THSD7B: variants seen among roughly 807,000 people sequenced by gnomAD.
The protein encoded by THSD7B is thrombospondin type-1 domain-containing protein 7B.
THSD7B carries 138 observed loss-of-function variants against 213.6 expected under a neutral mutation model. The observed-to-expected ratio is 0.65, with a 90% CI of 0.56 to 0.74. The LOEUF (loss-of-function observed/expected upper bound fraction) is 0.74, where lower values mean the gene tolerates loss of function less well. THSD7B is among the 30% of genes least tolerant of loss of function. The pLI, the probability that THSD7B is intolerant of heterozygous loss-of-function variation, is 0.00. For synonymous variants in THSD7B, 742 were observed against 687.0 expected (o/e 1.08, Z -1.25); for missense variants, 1,931 against 1,991.5 (o/e 0.97, Z 0.58).
Position 137,450,913 on chromosome 2 carries a change from G to A in THSD7B, c.3028G>A (p.Gly1010Arg), listed in dbSNP as rs1687637217. The change falls in exon 15 of 28, where the codon GGG (glycine) becomes AGG (arginine). Residue 1010 changes from glycine (G) to arginine (R), a missense_variant. Physicochemically the swap from Gly to Arg is moderately radical, Grantham distance 125. Coordinates refer to ENST00000409968, the MANE Select transcript of THSD7B (RefSeq NM_001316349.2). ...CAAGTTAAGCGATTGGTCTAGTTGG[G>A]GGTCTTGCAGTTCATCTTGTGGAAT... Reference protein sequence around the residue: ...DCKLSDWSSWGSCSSSCGIGV... With the variant: ...DCKLSDWSSWRSCSSSCGIGV... The A allele has an allele frequency of 1.2e-6, 2 of 1,613,454 alleles. No individual in the cohort carries two copies. The highest frequency in any genetic ancestry group is 1.7e-6 in the Non-Finnish European group (2 of 1,179,608).
intron 7 of THSD7B, among the ~76,000 whole-genome samples, chr2:137,199,670 C>G (rs1680837094): frequency 1.3e-5 from 2 of 152,130 alleles, no homozygotes; most frequent in African/African-American, 4.8e-5. Context: ...CACTAAAACA[C>G]TCTTGATAAA....
chr2:137,311,419 G>T (rs1573952683), intron 12 of THSD7B, among the ~76,000 whole-genome samples: 1 of 152,074 alleles, frequency 6.6e-6, no homozygotes, highest in Non-Finnish European at 1.5e-5. Context: ...AGACAATGGG[G>T]TTTTCTAGTT....
intron 2 of THSD7B, among the ~76,000 whole-genome samples, chr2:136,999,828 G>A (rs1037374841): frequency 5.9e-5 from 9 of 152,110 alleles, no homozygotes; most frequent in African/African-American, 1.9e-4. Flanking sequence ...TATTTTTCAA[G>A]TTTTGCTTCA....
chr2:137,272,822 A>G (rs12613368), intron 11 of THSD7B, among the ~76,000 whole-genome samples, 160 bp downstream of exon 11: 4,070 of 152,118 alleles, frequency 0.027, 105 homozygotes, highest in Middle Eastern at 0.095. Context: ...TATCTGGAAC[A>G]TATTTGGGAG....
intron 1 of THSD7B, among the ~76,000 whole-genome samples, chr2:136,795,135 G>A (rs1227862769): frequency 6.6e-6 from 1 of 151,982 alleles, no homozygotes; most frequent in Admixed American, 6.6e-5. Context: ...CTTAACAACA[G>A]CATAAATGAA....
At chr2:137,206,046 C>CTTTTT (rs35864577) in intron 7 of THSD7B, among the ~76,000 whole-genome samples, 1 of 148,082 alleles carries the variant, frequency 6.8e-6, no homozygotes, top group Non-Finnish European at 1.5e-5. Flanking sequence ...AGTGATTATC[C>CTTTTT]TTTTTTTTTT....
intron 2 of THSD7B, among the ~76,000 whole-genome samples, chr2:136,994,029 A>G (rs1685835193): frequency 6.6e-6 from 1 of 152,194 alleles, no homozygotes; most frequent in South Asian, 2.1e-4. Flanking sequence ...ACTCTTGGAT[A>G]TACTTTTGCT....
chr2:137,238,211 A>G (rs1162621648), intron 9 of THSD7B, among the ~76,000 whole-genome samples: 1 of 152,142 alleles, frequency 6.6e-6, no homozygotes, highest in East Asian at 1.9e-4. Flanking sequence ...GAAAGCTTGA[A>G]GTGTTGCGCC....
intron 1 of THSD7B, among the ~76,000 whole-genome samples, chr2:136,834,616 T>C (rs1283363159): frequency 1.3e-5 from 2 of 152,122 alleles, no homozygotes; most frequent in Non-Finnish European, 2.9e-5. Flanking sequence ...GGGTATAGTG[T>C]TAGTATCTGT....
intron 3 of THSD7B, among the ~76,000 whole-genome samples, chr2:137,079,738 C>A (rs1267553651): frequency 1.3e-5 from 2 of 152,084 alleles, no homozygotes; most frequent in Non-Finnish European, 2.9e-5. Context: ...TTATCTTTGG[C>A]CTCTTCATAG....
intron 12 of THSD7B, among the ~76,000 whole-genome samples, chr2:137,316,416 A>C (rs987512100): frequency 6.6e-6 from 1 of 152,212 alleles, no homozygotes; most frequent in African/African-American, 2.4e-5. Context: ...CATATTTCCC[A>C]AAGATTTTGG....
At chr2:136,785,787 T>C (rs1390001445) in intron 1 of THSD7B, among the ~76,000 whole-genome samples, 2 of 152,226 alleles carry the variant, frequency 1.3e-5, no homozygotes, top group Non-Finnish European at 2.9e-5. Flanking sequence ...TGATACCCAA[T>C]ACATGGTCTT....
intron 1 of THSD7B, among the ~76,000 whole-genome samples, chr2:136,846,963 A>C (rs986530457): frequency 1.3e-5 from 2 of 152,172 alleles, no homozygotes; most frequent in African/African-American, 4.8e-5. Context: ...GTTTATGTAA[A>C]GCTTAGTTCT....
rs376468209 is a variant in THSD7B, at chr2:137,466,893, T to C, written c.3138+15870T>C. Among the ~76,000 whole-genome samples, 3 of 152,120 alleles carry C rather than the reference T, an allele frequency of 2.0e-5. No individual in the cohort carries two copies. The East Asian group carries it at 5.8e-4, about 29-fold the overall frequency. On this transcript the variant is annotated intron_variant, in intron 15 of 27. Transcript: ENST00000409968. ...TCTGTCTGTTTTGTCATCTTCAGTG[T>C]TGGCTTCATCCTCTGGTTGTTAGCA...
rs182521500 is a variant in THSD7B, at chr2:137,003,118, G to T, written c.140-53302G>T. Among the ~76,000 whole-genome samples, 225 of 152,262 alleles carry T rather than the reference G, an allele frequency of 1.5e-3. 1 individual carries two copies. The highest frequency in any genetic ancestry group is 5.4e-3 in the Admixed American group (83 of 15,296). ...TTGGTTTGTAAGTCAGGTAATAAGG[G>T]TATGATGACCTACCTCATGAGAAGG... On this transcript the variant is annotated intron_variant, in intron 2 of 27. Transcript: ENST00000409968.
intron 3 of THSD7B, among the ~76,000 whole-genome samples, chr2:137,059,097 A>G (rs1687223039): frequency 6.6e-6 from 1 of 152,180 alleles, no homozygotes; most frequent in African/African-American, 2.4e-5. Flanking sequence ...GTCTTGATTT[A>G]GTTCGTGATG....
In THSD7B at chr2:137,390,255, G is replaced by A. The variant is rs181531776; in HGVS notation, c.2501-15358G>A. ...TTTTATAGTTTTTCTTATAGAGTTA[G>A]TTCACCTCCTTGGTTAAATTTATTT... On this transcript the variant is annotated intron_variant, in intron 12 of 27. Transcript: ENST00000409968. Among the ~76,000 whole-genome samples the A allele has an allele frequency of 1.3e-3, 195 of 152,084 alleles. 1 individual carries two copies. Among genetic ancestry groups the A allele is most frequent in the African/African-American group, 4.4e-3 (181 of 41,510 alleles).
chr2:137,138,083 G>A (rs1295017060), intron 5 of THSD7B, among the ~76,000 whole-genome samples: 1 of 151,868 alleles, frequency 6.6e-6, no homozygotes, highest in Non-Finnish European at 1.5e-5. Flanking sequence ...TTGTACAGAT[G>A]GGGTCCCATT....
At chr2:137,428,833 G>T (rs1687114704) in intron 14 of THSD7B, among the ~76,000 whole-genome samples, 1 of 152,124 alleles carries the variant, frequency 6.6e-6, no homozygotes, top group South Asian at 2.1e-4. Flanking sequence ...GGACTTTTAG[G>T]GGTGATTGAG....
Sources: gnomAD v4.1 joint callset for allele counts (sites outside exome capture counted in the v4.1 genomes callset) on GRCh38, gnomAD v4.1.1 for gene constraint, MANE v1.5 for transcripts, NCBI Gene and HGNC (gene_info 2026-07-23, HGNC 2026-07-21) for gene names.